Variants in ITGA2 observed in about 807,000 individuals in gnomAD.
ITGA2 encodes the protein integrin subunit alpha 2.
Under a neutral mutation model 146.3 loss-of-function variants are expected in ITGA2, and 101 were observed. That is an observed-to-expected ratio of 0.69 (90% confidence interval 0.59 to 0.81). The LOEUF is 0.81. ITGA2 is among the 40% of genes least tolerant of loss of function. The pLI, the probability that ITGA2 is intolerant of heterozygous loss-of-function variation, is 0.00. For missense variants in ITGA2, 1,281 were observed against 1,402.7 expected (o/e 0.91, Z 1.39); for synonymous variants, 477 against 487.1 (o/e 0.98, Z 0.27).
chr5:53,023,455 G>A (rs1007081671), intron 1 of ITGA2, among the ~76,000 whole-genome samples: 45 of 152,128 alleles, frequency 3.0e-4, no homozygotes, highest in African/African-American at 1.1e-3. Context: ...TGAGCTCAAG[G>A]TTCTTTTTAC....
chr5:53,038,207 T>TAAAAAA (rs34975562), intron 2 of ITGA2, among the ~76,000 whole-genome samples: 4 of 144,270 alleles, frequency 2.8e-5, no homozygotes, highest in Non-Finnish European at 4.5e-5. Flanking sequence ...GAGGCTCTGA[T>TAAAAAA]AAAAAAAAAA....
chr5:53,044,856 C>G (rs1307581681), intron 3 of ITGA2, 145 bp from the exon 4 acceptor site: 1 of 676,320 alleles, frequency 1.5e-6, no homozygotes. Flanking sequence ...CGTTTCCCCA[C>G]ACTTCATTAT....
intron 7 of ITGA2, among the ~76,000 whole-genome samples, chr5:53,054,663 A>G (rs926033293): frequency 2.6e-5 from 4 of 152,154 alleles, no homozygotes; most frequent in African/African-American, 9.7e-5. Flanking sequence ...TGAGACCTTC[A>G]TGTATATACA....
rs1740423357 is a variant in ITGA2, at chr5:53,091,573, A to G, written c.*974A>G. ...CCCACCTCCTGGTGGTACCATTATT[A>G]TAGAAGCCCTCTACAGCCTGACTTT... On this transcript the variant is annotated 3_prime_UTR_variant, in exon 30 of 30. Coordinates refer to ENST00000296585, the MANE Select transcript of ITGA2 (RefSeq NM_002203.4). 6.6e-6 allele frequency: 1 copy of G among 152,124 alleles called. No individual in the cohort carries two copies. The highest frequency in any genetic ancestry group is 1.5e-5 in the Non-Finnish European group (1 of 68,034). The allele number at this position is 152,124 out of a possible 1,614,324, so 9.4% of individuals were successfully genotyped here. A position where few individuals can be genotyped will look rare whatever the true frequency, so the allele number is the denominator to read the frequency against.
At position 53,074,592 on chromosome 5, in the gene ITGA2, G is replaced by T. The variant is rs1745573188; in HGVS notation, c.2664+115G>T. The T allele has an allele frequency of 8.7e-6, 7 of 804,854 alleles. No individual in the cohort carries two copies. The Admixed American group carries it at 1.4e-4, about 16-fold the overall frequency. 49.9% of individuals were successfully genotyped at this position (804,854 alleles called of 1,614,324 possible). On this transcript the variant is annotated intron_variant, in intron 21 of 29. Transcript: ENST00000296585. ...GATAGGCATCACAAAATAACTAGCTGCATACTTAGGGGAAGTTTTCAATAT... is the reference window on the plus strand; with the variant it reads ...GATAGGCATCACAAAATAACTAGCTTCATACTTAGGGGAAGTTTTCAATAT...
chr5:53,022,931 C>T (rs1312703410), intron 1 of ITGA2, among the ~76,000 whole-genome samples: 1 of 152,138 alleles, frequency 6.6e-6, no homozygotes, highest in Admixed American at 6.5e-5. Flanking sequence ...GAAACAGTAT[C>T]CCCTTTTTAT....
intron 2 of ITGA2, among the ~76,000 whole-genome samples, chr5:53,035,939 C>G (rs1743470587): frequency 6.6e-6 from 1 of 152,136 alleles, no homozygotes; most frequent in African/African-American, 2.4e-5. Flanking sequence ...TGAGCTCCCC[C>G]TATCGCAAAA....
Position 53,064,786 on chromosome 5 carries a change from CCTT to C in ITGA2, c.1603-123_1603-121del, listed in dbSNP as rs1272227059. On this transcript the variant is annotated intron_variant, in intron 13 of 29. Transcript: ENST00000296585. ...TCTCAAATACCTGGCTTCAAGTAGT[CCTT>C]CTGCCTCAGCCTCTGGAGTCTTTGG... is the stretch of plus-strand genomic sequence containing the variant. The C allele has an allele frequency of 1.2e-5, 10 of 856,016 alleles. No homozygotes were observed. In the East Asian group the frequency reaches 2.2e-4, roughly 19 times the overall value. The allele number at this position is 856,016 out of a possible 1,614,324, so 53.0% of individuals were successfully genotyped here. A position where few individuals can be genotyped will look rare whatever the true frequency, so the allele number is the denominator to read the frequency against.
chr5:53,010,343 A>G (rs1191604923), intron 1 of ITGA2, among the ~76,000 whole-genome samples: 3 of 152,216 alleles, frequency 2.0e-5, no homozygotes, highest in Non-Finnish European at 4.4e-5. Context: ...CTCGAACAAC[A>G]GAGGATTATT....
Position 53,051,440 on chromosome 5 carries a change from A to G in ITGA2, c.660A>G (p.Pro220=), listed in dbSNP as rs1744357744. Residue 220 remains proline, a synonymous_variant, in exon 7 of 30, where the codon CCA becomes CCG. Transcript: ENST00000296585. ...GGTTAATTCAGTATGCCAATAATCC[A>G]AGAGTTGTGTTTAACTTGAACACAT... is the stretch of plus-strand genomic sequence containing the variant. The part of the protein sequence containing the change: ...QVGLIQYANN[P]RVVFNLNTYK... 6.2e-7 allele frequency: 1 copy of G among 1,613,430 alleles called. No homozygotes were observed. The highest frequency in any genetic ancestry group is 1.3e-5 in the African/African-American group (1 of 74,908).
chr5:53,026,702 T>C (rs1742964175), intron 1 of ITGA2, 46 bp from the exon 2 acceptor site: 1 of 1,531,196 alleles, frequency 6.5e-7, no homozygotes, highest in African/African-American at 1.4e-5. Flanking sequence ...GACACACTTA[T>C]ATTCATGAAT....
rs553808515 is a variant in ITGA2, at chr5:53,061,149, T to C, written c.1458+103T>C. On this transcript the variant is annotated intron_variant, in intron 12 of 29. Transcript: ENST00000296585. ...AAAACAACATGGCCTGAGTGCCTAC[T>C]CTGTGATTGGCTCTGTAATCTGAGT... The C allele has an allele frequency of 2.8e-6, 3 of 1,081,892 alleles. No individual in the cohort carries two copies. In the South Asian group the frequency reaches 3.8e-5, roughly 14 times the overall value. 67.0% of individuals were successfully genotyped at this position (1,081,892 alleles called of 1,614,324 possible). A position where few individuals can be genotyped will look rare whatever the true frequency, so the allele number is the denominator to read the frequency against.
chr5:53,090,676 T>TA lies in ITGA2; in HGVS notation c.*80dup. On this transcript the variant is annotated 3_prime_UTR_variant, in exon 30 of 30. Transcript: ENST00000296585. ...CTGTTTGCGTGAATGGATTTCTTTT[T>TA]AAATCCCATATTTTTTTTATCATGT... 8.9e-7 allele frequency: 1 copy of TA among 1,128,154 alleles called. No homozygotes were observed. The allele number at this position is 1,128,154 out of a possible 1,614,324, so 69.9% of individuals were successfully genotyped here.
chr5:53,056,047 A>G lies in ITGA2; in HGVS notation c.994A>G (p.Ile332Val). 2 of 1,610,594 alleles carry G rather than the reference A, an allele frequency of 1.2e-6. No individual in the cohort carries two copies. The highest frequency in any genetic ancestry group is 1.1e-5 in the South Asian group (1 of 90,650). ...TKNLIKEIKA[I>V]ASIPTERYFF... ...AAATTTAATAAAAGAAATAAAAGCAATCGCTAGTATTCCAACAGAAAGATA... is the reference window on the plus strand; with the variant it reads ...AAATTTAATAAAAGAAATAAAAGCAGTCGCTAGTATTCCAACAGAAAGATA... Residue 332 changes from isoleucine to valine, a missense_variant, in exon 9 of 30, where the codon ATC becomes GTC. Transcript: ENST00000296585.
At chr5:53,055,788 T>G (rs906064826) in intron 8 of ITGA2, 100 bp downstream of exon 8, 2 of 1,430,058 alleles carry the variant, frequency 1.4e-6, no homozygotes, top group African/African-American at 2.8e-5. Context: ...CTGTTCATAG[T>G]TGAATATAAA....
chr5:52,993,084 A>G (rs1186892617), intron 1 of ITGA2, among the ~76,000 whole-genome samples: 1 of 152,146 alleles, frequency 6.6e-6, no homozygotes, highest in African/African-American at 2.4e-5. Flanking sequence ...ACTGACCATT[A>G]TCCAATGCTA....
At chr5:53,008,546 C>A (rs1291360406) in intron 1 of ITGA2, among the ~76,000 whole-genome samples, 2 of 151,846 alleles carry the variant, frequency 1.3e-5, no homozygotes, top group African/African-American at 4.8e-5. Context: ...GATATGAACA[C>A]AAAGTAAGTG....
intron 9 of ITGA2, among the ~76,000 whole-genome samples, chr5:53,057,298 T>C (rs1744687671): frequency 6.6e-6 from 1 of 152,026 alleles, no homozygotes; most frequent in African/African-American, 2.4e-5. Flanking sequence ...TAAATAAGAC[T>C]ATGTTGTACA....
chr5:53,078,722 A>C, intron 23 of ITGA2, 50 bp from the exon 24 acceptor site: 1 of 1,078,490 alleles, frequency 9.3e-7, no homozygotes, highest in Non-Finnish European at 1.4e-6. Flanking sequence ...ATTAACCTTC[A>C]AGAACAAAAG....
Sources: gnomAD v4.1 joint callset for allele counts (sites outside exome capture counted in the v4.1 genomes callset) on GRCh38, gnomAD v4.1.1 for gene constraint, MANE v1.5 for transcripts, NCBI Gene and HGNC (gene_info 2026-07-23, HGNC 2026-07-21) for gene names.